The following RTN1 variants were observed in gnomAD, a reference collection of about 807,000 sequenced individuals.
RTN1 encodes the protein reticulon-1.
A neutral mutation model predicts 65.5 loss-of-function variants in RTN1; 25 were observed. The ratio of observed to expected loss-of-function variants is 0.38; its 90% confidence interval spans 0.28 to 0.53. The LOEUF (loss-of-function observed/expected upper bound fraction) is 0.53. Ranked by LOEUF, RTN1 falls within the 20% of genes least tolerant of loss-of-function variation. RTN1 has a pLI of 0.79. For synonymous variants in RTN1, 471 were observed against 447.6 expected, an observed-to-expected ratio of 1.05 and a Z score of -0.66; for missense variants, 983 against 1,025.4, an observed-to-expected ratio of 0.96 and a Z score of 0.57.
intron 3 of RTN1, among the ~76,000 whole-genome samples, chr14:59,632,938 T>TA (rs2140186445): frequency 6.6e-6 from 1 of 151,628 alleles, no homozygotes; most frequent in East Asian, 1.9e-4. Flanking sequence ...CTAAAAAAAA[T>TA]ACAAAAAAAA....
chr14:59,667,769 A>T (rs1883412046), intron 3 of RTN1, among the ~76,000 whole-genome samples: 1 of 152,188 alleles, frequency 6.6e-6, no homozygotes. Context: ...AAGTCTCAGG[A>T]TACAAAATCA....
intron 1 of RTN1, among the ~76,000 whole-genome samples, chr14:59,785,010 T>C (rs2139580186): frequency 6.6e-6 from 1 of 152,374 alleles, no homozygotes; most frequent in South Asian, 2.1e-4. Flanking sequence ...CTGTTTGTCA[T>C]ATTTTATTTC....
At chr14:59,831,035 T>G (rs1332797507) in intron 1 of RTN1, among the ~76,000 whole-genome samples, 1 of 152,142 alleles carries the variant, frequency 6.6e-6, no homozygotes, top group East Asian at 1.9e-4. Flanking sequence ...GTATCAGTTA[T>G]GAGTCAAAAG....
chr14:59,723,983 T>A (rs1884703487), intron 3 of RTN1, among the ~76,000 whole-genome samples: 1 of 152,222 alleles, frequency 6.6e-6, no homozygotes, highest in Non-Finnish European at 1.5e-5. Context: ...TTAATCACAC[T>A]GGGTATTAGT....
intron 3 of RTN1, among the ~76,000 whole-genome samples, chr14:59,639,038 TTAGAAGCCACTG>T (rs1882722905): frequency 6.6e-6 from 1 of 152,148 alleles, no homozygotes. Flanking sequence ...ACTCGAACAC[TTAGAAGCCACTG>T]TAGGGTTATT....
At chr14:59,661,259 C>CAAAAAAAAA (rs768483248) in intron 3 of RTN1, among the ~76,000 whole-genome samples, 4 of 83,392 alleles carry the variant, frequency 4.8e-5, no homozygotes, top group Non-Finnish European at 8.5e-5. Context: ...GCCTACCAAC[C>CAAAAAAAAA]AAAAAAAAAA....
At chr14:59,724,724 CGA>C (rs1022134346) in intron 3 of RTN1, among the ~76,000 whole-genome samples, 25 of 105,094 alleles carry the variant, frequency 2.4e-4, no homozygotes, top group African/African-American at 1.2e-3. Flanking sequence ...CTGTGTCAGA[CGA>C]AAAAAAAAAA....
intron 1 of RTN1, among the ~76,000 whole-genome samples, chr14:59,750,360 T>TATAATATATA (rs1566713701): frequency 0.015 from 100 of 6,694 alleles, 7 homozygotes; most frequent in African/African-American, 0.09. Flanking sequence ...ATATTATATC[T>TATAATATATA]ATATATTATA....
chr14:59,634,463 G>A (rs1882621822), intron 3 of RTN1, among the ~76,000 whole-genome samples: 1 of 152,180 alleles, frequency 6.6e-6, no homozygotes, highest in Non-Finnish European at 1.5e-5. Context: ...GCATGAATAT[G>A]GAGTTTCAAA....
chr14:59,708,495 A>T (rs1884348674), intron 3 of RTN1, among the ~76,000 whole-genome samples: 1 of 152,208 alleles, frequency 6.6e-6, no homozygotes, highest in African/African-American at 2.4e-5. Flanking sequence ...TCACACGGTG[A>T]TTCCACTGGC....
intron 3 of RTN1, among the ~76,000 whole-genome samples, chr14:59,664,754 T>C (rs1001567716): frequency 3.3e-5 from 5 of 152,226 alleles, no homozygotes; most frequent in Non-Finnish European, 7.3e-5. Flanking sequence ...TGTTTCATCA[T>C]TCACCTGCTG....
chr14:59,775,113 A>C (rs904919113), intron 1 of RTN1, among the ~76,000 whole-genome samples: 6 of 152,138 alleles, frequency 3.9e-5, no homozygotes, highest in African/African-American at 1.4e-4. Flanking sequence ...CTGCTCTTGT[A>C]AAGGCGATAA....
intron 1 of RTN1, among the ~76,000 whole-genome samples, chr14:59,861,340 C>T (rs1355830897): frequency 1.3e-5 from 2 of 152,178 alleles, no homozygotes; most frequent in African/African-American, 4.8e-5. Context: ...AGACATGACT[C>T]GCTCCTCCTT....
chr14:59,714,123 T>C (rs1350526029), intron 3 of RTN1, among the ~76,000 whole-genome samples: 1 of 151,688 alleles, frequency 6.6e-6, no homozygotes, highest in African/African-American at 2.4e-5. Flanking sequence ...TAATCCCTGA[T>C]ACTTGGGATG....
chr14:59,801,332 T>C (rs986672377), intron 1 of RTN1, among the ~76,000 whole-genome samples: 8 of 151,950 alleles, frequency 5.3e-5, no homozygotes, highest in East Asian at 1.9e-4. Flanking sequence ...ACTAAAGACA[T>C]AGACAAAATC....
intron 4 of RTN1, chr14:59,606,127 T>TATATATATATATATATATATA (rs1566658130): frequency 5.3e-4 from 24 of 45,318 alleles, no homozygotes; most frequent in African/African-American, 1.0e-3. Flanking sequence ...TATATATATA[T>TATATATATATATATATATATA]CATACCAGCT....
At chr14:59,696,771 C>T (rs1490973772) in intron 3 of RTN1, among the ~76,000 whole-genome samples, 2 of 152,098 alleles carry the variant, frequency 1.3e-5, no homozygotes, top group Non-Finnish European at 2.9e-5. Context: ...AGAGGAGTCT[C>T]TTACAAAGCA....
intron 3 of RTN1, among the ~76,000 whole-genome samples, chr14:59,665,508 T>C (rs1167195166): frequency 1.3e-5 from 2 of 152,120 alleles, no homozygotes; most frequent in Non-Finnish European, 2.9e-5. Context: ...TAAAGACCAT[T>C]GATGCTATGA....
rs1363003146 is a variant in RTN1, at chr14:59,749,188, CTATATATATCTA to C, written c.242-2719_242-2708del. On this transcript the variant is annotated intron_variant, in intron 1 of 8. Coordinates refer to ENST00000267484, the MANE Select transcript of RTN1 (RefSeq NM_021136.3). ...TCTATATATCTATCTATATATCTATCTATATATATCTATATATATATCTATATATATCTATAT... is the reference window on the plus strand; with the variant it reads ...TCTATATATCTATCTATATATCTATCTATATATATCTATATATATCTATAT... Among the ~76,000 whole-genome samples the C allele has an allele frequency of 4.1e-4, 29 of 71,514 alleles. 1 individual carries two copies. Among genetic ancestry groups the C allele is most frequent in the Admixed American group, 1.2e-3 (7 of 5,670 alleles). The allele number at this position is 71,514 out of a possible 152,430, so 46.9% of individuals were successfully genotyped here. A position where few individuals can be genotyped will look rare whatever the true frequency, so the allele number is the denominator to read the frequency against.
Sources: gnomAD v4.1 joint callset for allele counts (sites outside exome capture counted in the v4.1 genomes callset) on GRCh38, gnomAD v4.1.1 for gene constraint, MANE v1.5 for transcripts, NCBI Gene and HGNC (gene_info 2026-07-23, HGNC 2026-07-21) for gene names.